TAFA1: variants seen among roughly 807,000 people sequenced by gnomAD.
TAFA1 encodes the protein TAFA chemokine like family member 1.
TAFA1 carries 4 observed loss-of-function variants against 18.5 expected under a neutral mutation model. That is an observed-to-expected ratio of 0.22 (90% CI 0.11 to 0.49). The LOEUF is 0.49. TAFA1 is among the 20% of genes least tolerant of loss of function. The pLI is 0.98. For synonymous variants in TAFA1, 56 were observed against 55.2 expected (o/e 1.01, Z -0.06); for missense variants, 147 against 169.0 (o/e 0.87, Z 0.72).
intron 2 of TAFA1, among the ~76,000 whole-genome samples, chr3:68,133,347 T>C (rs2106886154): frequency 1.3e-5 from 2 of 152,300 alleles, no homozygotes; most frequent in East Asian, 3.9e-4. Context: ...CTTGGCTATA[T>C]GGGCTCTTTT....
chr3:68,449,180 C>T (rs1322967806), intron 3 of TAFA1, among the ~76,000 whole-genome samples: 1 of 152,134 alleles, frequency 6.6e-6, no homozygotes, highest in Non-Finnish European at 1.5e-5. Flanking sequence ...AGGCTTCCTG[C>T]AGGAGGCGGT....
At chr3:68,288,692 TTCG>T (rs1392146459) in intron 2 of TAFA1, among the ~76,000 whole-genome samples, 1 of 152,220 alleles carries the variant, frequency 6.6e-6, no homozygotes, top group Non-Finnish European at 1.5e-5. Flanking sequence ...TCTTTGTTTA[TTCG>T]TCTTATGCAA....
intron 2 of TAFA1, among the ~76,000 whole-genome samples, chr3:68,397,493 ATTCT>A (rs1465248329): frequency 2.0e-5 from 3 of 152,170 alleles, no homozygotes; most frequent in Admixed American, 6.5e-5. Context: ...ACATAAACTC[ATTCT>A]TTCTTTTACG....
chr3:68,008,921 TG>T (rs1030707368), intron 2 of TAFA1, among the ~76,000 whole-genome samples: 1 of 152,036 alleles, frequency 6.6e-6, no homozygotes, highest in African/African-American at 2.4e-5. Context: ...ATATGGTGGT[TG>T]GGGGCGGGGA....
intron 3 of TAFA1, among the ~76,000 whole-genome samples, chr3:68,514,655 A>G (rs1053087254): frequency 6.6e-6 from 1 of 151,964 alleles, no homozygotes; most frequent in African/African-American, 2.4e-5. Flanking sequence ...GCTGTGCCTC[A>G]GTAGTAATAA....
At chr3:68,236,898 G>C (rs2066933683) in intron 2 of TAFA1, among the ~76,000 whole-genome samples, 1 of 152,104 alleles carries the variant, frequency 6.6e-6, no homozygotes, top group Non-Finnish European at 1.5e-5. Context: ...ACATCAATAA[G>C]AGCTCATAAA....
At chr3:68,044,849 A>C (rs1019005395) in intron 2 of TAFA1, among the ~76,000 whole-genome samples, 3 of 152,222 alleles carry the variant, frequency 2.0e-5, no homozygotes, top group African/African-American at 7.2e-5. Context: ...TGTTGTGAGG[A>C]TTGGACATAA....
chr3:68,235,398 G>A (rs576077425), intron 2 of TAFA1, among the ~76,000 whole-genome samples: 8 of 152,202 alleles, frequency 5.3e-5, no homozygotes, highest in South Asian at 2.1e-4. Flanking sequence ...AATTCTGGGC[G>A]TGTTATTTAA....
upstream of TAFA1, among the ~76,000 whole-genome samples, chr3:68,003,364 T>C (rs1241442778): frequency 6.6e-6 from 1 of 152,196 alleles, no homozygotes. Flanking sequence ...GGAAGCAATA[T>C]TATGAGAACT....
At chr3:68,349,637 G>T (rs1320095474) in intron 2 of TAFA1, among the ~76,000 whole-genome samples, 1 of 152,054 alleles carries the variant, frequency 6.6e-6, no homozygotes, top group African/African-American at 2.4e-5. Flanking sequence ...TAGGCTTTGA[G>T]GCTTACAGGT....
chr3:68,480,827 CA>C (rs1368422699), intron 3 of TAFA1, among the ~76,000 whole-genome samples: 2 of 152,128 alleles, frequency 1.3e-5, no homozygotes, highest in South Asian at 4.1e-4. Flanking sequence ...CCATAATTCC[CA>C]TATGTTGTGG....
intron 2 of TAFA1, among the ~76,000 whole-genome samples, chr3:68,223,662 A>G (rs775872422): frequency 1.3e-5 from 2 of 152,056 alleles, no homozygotes; most frequent in African/African-American, 2.4e-5. Context: ...ACACTTAGCA[A>G]CTCAAGGGAT....
intron 2 of TAFA1, among the ~76,000 whole-genome samples, chr3:68,254,262 T>C (rs1242861995): frequency 5.5e-4 from 84 of 152,004 alleles, no homozygotes; most frequent in Non-Finnish European, 1.3e-4. Context: ...ACACAGAACA[T>C]GAGAATTCAA....
chr3:68,426,131 G>A (rs539482211), intron 3 of TAFA1, among the ~76,000 whole-genome samples: 2 of 151,836 alleles, frequency 1.3e-5, no homozygotes, highest in South Asian at 4.2e-4. Context: ...ATAAAAGTAT[G>A]CATATATTCC....
chr3:68,383,279 T>TA (rs2070018210), intron 2 of TAFA1, among the ~76,000 whole-genome samples: 2 of 10,902 alleles, frequency 1.8e-4, no homozygotes, highest in African/African-American at 2.0e-4. Context: ...TGAGGGGAAA[T>TA]GTTCCAGCTT....
chr3:68,159,864 C>A (rs1250484208), intron 2 of TAFA1, among the ~76,000 whole-genome samples: 1 of 152,138 alleles, frequency 6.6e-6, no homozygotes, highest in African/African-American at 2.4e-5. Flanking sequence ...ATATAGTCAC[C>A]CCTTTTAAAA....
At chr3:68,196,286 C>T (rs1445087697) in intron 2 of TAFA1, among the ~76,000 whole-genome samples, 1 of 151,702 alleles carries the variant, frequency 6.6e-6, no homozygotes, top group Non-Finnish European at 1.5e-5. Context: ...GCATTTAGTT[C>T]ATTGTTCTGT....
rs574007542 is a variant in TAFA1 at position 68,063,090 on chromosome 3, G to A, written c.118+56346G>A. 1.6e-3 allele frequency among the ~76,000 whole-genome samples: 237 copies of A among 152,270 alleles called. 1 individual carries two copies. The highest frequency in any genetic ancestry group is 2.6e-3 in the Non-Finnish European group (180 of 68,010). The stretch of plus-strand genomic sequence containing the variant: ...CTCAGCTCCAGTGGATCCTTGCCAC[G>A]TAGAAATGCAGCACCAGCATTGCCT... On this transcript the variant is annotated intron_variant, in intron 2 of 4. Coordinates refer to ENST00000478136, the MANE Select transcript of TAFA1 (RefSeq NM_213609.4).
At chr3:68,352,335 T>C (rs555874219) in intron 2 of TAFA1, among the ~76,000 whole-genome samples, 2 of 151,902 alleles carry the variant, frequency 1.3e-5, no homozygotes, top group Non-Finnish European at 2.9e-5. Flanking sequence ...TGAAAGGTAA[T>C]TGAAGGCAAT....
Sources: gnomAD v4.1 joint callset for allele counts (sites outside exome capture counted in the v4.1 genomes callset) on GRCh38, gnomAD v4.1.1 for gene constraint, MANE v1.5 for transcripts, NCBI Gene and HGNC (gene_info 2026-07-23, HGNC 2026-07-21) for gene names.